Variants in QRFPR observed in about 807,000 individuals in gnomAD.
QRFPR encodes the protein pyroglutamylated RFamide peptide receptor, also known as pyroglutamylated RF-amide peptide receptor.
In QRFPR, 37 loss-of-function variants were observed where a neutral mutation model predicts 31.3. The observed-to-expected ratio is 1.18, with a 90% confidence interval of 0.91 to 1.56. QRFPR has a LOEUF of 1.56. Among genes scored for constraint, QRFPR ranks in the 40% most tolerant of loss-of-function variants. The pLI, the probability that QRFPR is intolerant of heterozygous loss-of-function variation, is 0.00. For missense variants in QRFPR, 542 were observed against 532.5 expected (o/e 1.02, Z -0.18); for synonymous variants, 197 against 192.0 (o/e 1.03, Z -0.22).
chr4:121,348,445 C>T lies in QRFPR; in HGVS notation c.341-7835G>A, dbSNP rs74360631. ...AGACTTCCTTCTAGAAGACCACTGA[C>T]TTCCAATTTTGATGACTGCAGTTTG... On this transcript the variant is annotated intron_variant, in intron 1 of 5. Transcript: ENST00000394427. 2.0e-4 allele frequency among the ~76,000 whole-genome samples: 30 copies of T among 152,202 alleles called. 1 individual carries two copies. The East Asian group carries it at 5.4e-3, about 27-fold the overall frequency.
chr4:121,348,389 C>A (rs779381171), intron 1 of QRFPR, among the ~76,000 whole-genome samples: 9 of 152,068 alleles, frequency 5.9e-5, no homozygotes, highest in Non-Finnish European at 8.8e-5. Context: ...ATATATTCTG[C>A]TTGGGATCAA....
At position 121,331,940 on chromosome 4, in the gene QRFPR, G is replaced by T. The variant is rs1297612967; in HGVS notation, c.797+881C>A. ...ATTGCTATGATTACAGGCGTGAGCC[G>T]CTGCACCTGGTCCATTATCTCTTAT... On this transcript the variant is annotated intron_variant, in intron 4 of 5. Coordinates refer to ENST00000394427, the MANE Select transcript of QRFPR (RefSeq NM_198179.3). Among the ~76,000 whole-genome samples, 8 of 152,214 alleles carry T rather than the reference G, an allele frequency of 5.3e-5. 1 individual carries two copies. In the East Asian group the frequency reaches 1.4e-3, roughly 26 times the overall value.
In QRFPR at chr4:121,334,703, A is replaced by T. The variant is rs557612135; in HGVS notation, c.562-1647T>A. ...ATACAGTAAGGAGGCAGGAGCAATG[A>T]CAATTTTAACCGTCTCGTTGCTTCT... On this transcript the variant is annotated intron_variant, in intron 3 of 5. Transcript: ENST00000394427. The T allele has an allele frequency of 2.8e-3, 834 of 298,508 alleles. 14 individuals carry two copies. The highest frequency in any genetic ancestry group is 0.023 in the Middle Eastern group (54 of 2,392). The allele number at this position is 298,508 out of a possible 1,614,324, so 18.5% of individuals were successfully genotyped here.
intron 1 of QRFPR, among the ~76,000 whole-genome samples, chr4:121,355,804 T>G (rs1274735414): frequency 1.3e-5 from 2 of 152,150 alleles, no homozygotes; most frequent in African/African-American, 2.4e-5. Flanking sequence ...ACTTAAAAAT[T>G]TCTTTATTGA....
chr4:121,331,075 A>C (rs1349021257), intron 4 of QRFPR, among the ~76,000 whole-genome samples: 1 of 151,722 alleles, frequency 6.6e-6, no homozygotes, highest in East Asian at 1.9e-4. Context: ...ACACCAGCCT[A>C]GGCAACATGG....
rs1560743482 is a variant in QRFPR at position 121,365,521 on chromosome 4, ATATATT to A, written c.340+14781_340+14786del. On this transcript the variant is annotated intron_variant, in intron 1 of 5. Coordinates refer to ENST00000394427, the MANE Select transcript of QRFPR (RefSeq NM_198179.3). ...ATATAATATATATAATATATATTAT[ATATATT>A]ATATATAATATATATTATATATAAT... is the stretch of plus-strand genomic sequence containing the variant. Among the ~76,000 whole-genome samples, 40 of 6,864 alleles carry A rather than the reference ATATATT, an allele frequency of 5.8e-3. 5 individuals carry two copies. The East Asian group carries it at 0.12, about 21-fold the overall frequency. The allele number at this position is 6,864 out of a possible 152,430, so 4.5% of individuals were successfully genotyped here.
chr4:121,330,755 T>C (rs1218541784), intron 4 of QRFPR, among the ~76,000 whole-genome samples: 1 of 152,238 alleles, frequency 6.6e-6, no homozygotes, highest in African/African-American at 2.4e-5. Context: ...GCTAGATGCA[T>C]GACATGGATA....
chr4:121,349,391 G>T lies in QRFPR; in HGVS notation c.341-8781C>A, dbSNP rs572416472. 3.9e-5 allele frequency among the ~76,000 whole-genome samples: 6 copies of T among 152,106 alleles called. No homozygotes were observed. The South Asian group carries it at 1.2e-3, about 32-fold the overall frequency. ...CCTATGTTTATACCTTTTATATACA[G>T]ATATAGATATAGATACAGATTTGCC... is the stretch of plus-strand genomic sequence containing the variant. On this transcript the variant is annotated intron_variant, in intron 1 of 5. Transcript: ENST00000394427.
At chr4:121,341,068 C>T (rs907942404) in intron 1 of QRFPR, among the ~76,000 whole-genome samples, 2 of 152,208 alleles carry the variant, frequency 1.3e-5, no homozygotes, top group African/African-American at 4.8e-5. Context: ...CTTTGACTCC[C>T]TGCCTAAGAC....
At chr4:121,365,573 A>AAT (rs1260805863) in intron 1 of QRFPR, among the ~76,000 whole-genome samples, 3 of 7,086 alleles carry the variant, frequency 4.2e-4, no homozygotes, top group Non-Finnish European at 6.6e-4. Flanking sequence ...TATTATATAT[A>AAT]ATATATATTA....
Position 121,340,570 on chromosome 4 carries a change from G to A in QRFPR, c.381C>T (p.Thr127=), listed in dbSNP as rs146477960. The A allele has an allele frequency of 1.6e-5, 26 of 1,613,946 alleles. No individual in the cohort carries two copies. The African/African-American group carries it at 2.1e-4, about 13-fold the overall frequency. ...ICKMVPFVQS[T]AVVTEILTMT... ...TAGTGAGGATTTCTGTCACAACAGC[G>A]GTAGACTGGACAAATGGCACCATCT... Residue 127 remains threonine (T), a synonymous_variant, in exon 2 of 6, where the codon ACC becomes ACT. Coordinates refer to ENST00000394427, the MANE Select transcript of QRFPR (RefSeq NM_198179.3).
At position 121,340,214 on chromosome 4, in the gene QRFPR, G is replaced by GT; in HGVS notation, c.499+237dup. 3 of 474,480 alleles carry GT rather than the reference G, an allele frequency of 6.3e-6. No homozygotes were observed. The South Asian group carries it at 7.3e-5, about 12-fold the overall frequency. 29.4% of individuals were successfully genotyped at this position (474,480 alleles called of 1,614,324 possible). A position where few individuals can be genotyped will look rare whatever the true frequency, so the allele number is the denominator to read the frequency against. ...GATTAGCTGAACATAGTGCTTAAAC[G>GT]TTTAAGATGTAAACTGAAAAAGTAT... On this transcript the variant is annotated intron_variant, in intron 2 of 5. Transcript: ENST00000394427.
chr4:121,366,600 C>T (rs112963979), intron 1 of QRFPR, among the ~76,000 whole-genome samples: 3,068 of 149,632 alleles, frequency 0.021, 290 homozygotes, highest in African/African-American at 0.072. Context: ...AACAATGAGC[C>T]CCTATGAGGT....
At chr4:121,355,578 A>G (rs1725851896) in intron 1 of QRFPR, among the ~76,000 whole-genome samples, 1 of 151,484 alleles carries the variant, frequency 6.6e-6, no homozygotes, top group Admixed American at 6.6e-5. Flanking sequence ...TCTGATCTTT[A>G]TTATTCCTAC....
At chr4:121,370,536 G>A (rs1043086325) in intron 1 of QRFPR, among the ~76,000 whole-genome samples, 2 of 152,304 alleles carry the variant, frequency 1.3e-5, no homozygotes, top group African/African-American at 4.8e-5. Flanking sequence ...CCTGTGGCCG[G>A]GAGTCCGGCA....
At chr4:121,365,584 TA>T (rs1560743888) in intron 1 of QRFPR, among the ~76,000 whole-genome samples, 556 of 3,058 alleles carry the variant, frequency 0.18, 83 homozygotes, top group African/African-American at 0.38. Flanking sequence ...ATATATATTA[TA>T]TATATTATAT....
intron 1 of QRFPR, among the ~76,000 whole-genome samples, chr4:121,345,482 G>C (rs1725626296): frequency 6.6e-6 from 1 of 152,126 alleles, no homozygotes; most frequent in Admixed American, 6.6e-5. Context: ...TTATTCTCTG[G>C]AAGGTAGGTT....
rs1726462929 is a variant in QRFPR at position 121,380,375 on chromosome 4, G to A, written c.273C>T (p.Asp91=). The change falls in exon 1 of 6, where the codon GAC becomes GAT. Residue 91 remains aspartate (D), a synonymous_variant. Transcript: ENST00000394427. The part of the protein sequence containing the change: ...NIFICSLALS[D]LLITFFCIPV... ...GAATGCAGAAGAAGGTGATGAGCAGGTCACTGAGCGCCAAGGAGCAGATAA... is the reference window on the plus strand; with the variant it reads ...GAATGCAGAAGAAGGTGATGAGCAGATCACTGAGCGCCAAGGAGCAGATAA... 6.2e-7 allele frequency: 1 copy of A among 1,614,218 alleles called. No individual in the cohort carries two copies. Among genetic ancestry groups the A allele is most frequent in the Middle Eastern group, 1.6e-4 (1 of 6,062 alleles).
chr4:121,368,199 T>A (rs1726163057), intron 1 of QRFPR, among the ~76,000 whole-genome samples: 1 of 149,820 alleles, frequency 6.7e-6, no homozygotes, highest in South Asian at 2.1e-4. Flanking sequence ...ACAGAAAATT[T>A]TGAATTCATT....
Sources: gnomAD v4.1 joint callset for allele counts (sites outside exome capture counted in the v4.1 genomes callset) on GRCh38, gnomAD v4.1.1 for gene constraint, MANE v1.5 for transcripts, NCBI Gene and HGNC (gene_info 2026-07-23, HGNC 2026-07-21) for gene names.